EYS: variants seen among roughly 807,000 people sequenced by gnomAD.
EYS encodes the protein EGF-like photoreceptor maintenance factor.
EYS carries 250 observed loss-of-function variants against 282.1 expected under a neutral mutation model. The observed-to-expected ratio is 0.89, with a 90% CI of 0.80 to 0.98. The LOEUF is 0.98. Ranked by LOEUF, EYS falls within the 50% of genes least tolerant of loss-of-function variation. The pLI, the probability that EYS is intolerant of heterozygous loss-of-function variation, is 0.00. For synonymous variants in EYS, 1,355 were observed against 1,282.9 expected (o/e 1.06, Z -1.20); for missense variants, 4,016 against 3,709.0 (o/e 1.08, Z -2.15).
Position 65,244,688 on chromosome 6 carries a change from A to AT in EYS, c.2023+51174dup, listed in dbSNP as rs11351957. Among the ~76,000 whole-genome samples, 191 of 142,414 alleles carry AT rather than the reference A, an allele frequency of 1.3e-3. 2 individuals are homozygous for AT. Among genetic ancestry groups the AT allele is most frequent in the South Asian group, 9.9e-3 (44 of 4,444 alleles). The allele number at this position is 142,414 out of a possible 152,430, so 93.4% of individuals were successfully genotyped here. A position where few individuals can be genotyped will look rare whatever the true frequency, so the allele number is the denominator to read the frequency against. ...CCAGCCCTCCCGGGTAATTTTTTGTATTTTTTTTTTTTTTTAGTAGAGACG... is the reference window on the plus strand; with the variant it reads ...CCAGCCCTCCCGGGTAATTTTTTGTATTTTTTTTTTTTTTTTAGTAGAGACG... On this transcript the variant is annotated intron_variant, in intron 12 of 42. Transcript: ENST00000503581.
chr6:65,226,102 G>A (rs953527572), intron 12 of EYS, among the ~76,000 whole-genome samples: 1 of 151,944 alleles, frequency 6.6e-6, no homozygotes, highest in East Asian at 1.9e-4. Flanking sequence ...ACTTCATGAT[G>A]TTATATATAG....
rs143244630 is a variant in EYS at position 65,387,038 on chromosome 6, G to A, written c.1185-2538C>T. 7.1e-4 allele frequency among the ~76,000 whole-genome samples: 107 copies of A among 151,744 alleles called. 2 individuals carry two copies. Among genetic ancestry groups the A allele is most frequent in the African/African-American group, 2.4e-3 (99 of 41,442 alleles). ...AATAAAATATAATAGTGGAAAAGAG[G>A]AGACAAAAACAATACTCTTATCCTC... On this transcript the variant is annotated intron_variant, in intron 7 of 42. Transcript: ENST00000503581.
At chr6:64,282,766 G>C (rs981684396) in intron 30 of EYS, among the ~76,000 whole-genome samples, 5 of 152,150 alleles carry the variant, frequency 3.3e-5, no homozygotes, top group Non-Finnish European at 7.4e-5. Flanking sequence ...GAGAGAAAAT[G>C]TTCTTTCAAC....
At chr6:65,065,174 T>C (rs1475114504) in intron 12 of EYS, among the ~76,000 whole-genome samples, 1 of 152,138 alleles carries the variant, frequency 6.6e-6, no homozygotes, top group South Asian at 2.1e-4. Context: ...AATAGGCATG[T>C]ATTAAAATTT....
At chr6:64,571,707 C>G (rs998963217) in intron 26 of EYS, among the ~76,000 whole-genome samples, 1 of 152,146 alleles carries the variant, frequency 6.6e-6, no homozygotes, top group Non-Finnish European at 1.5e-5. Flanking sequence ...GACACATACA[C>G]CCTCCCAAGA....
intron 2 of EYS, among the ~76,000 whole-genome samples, chr6:65,601,059 A>C: frequency 6.6e-6 from 1 of 151,996 alleles, no homozygotes; most frequent in Non-Finnish European, 1.5e-5. Context: ...CACGTTGCTT[A>C]TTATGAATAC....
At chr6:65,129,689 A>C (rs998428842) in intron 12 of EYS, among the ~76,000 whole-genome samples, 2 of 152,002 alleles carry the variant, frequency 1.3e-5, no homozygotes, top group Non-Finnish European at 2.9e-5. Flanking sequence ...CTGCAGAGGA[A>C]ATAAAACACT....
At chr6:64,911,567 C>A (rs889039643) in intron 16 of EYS, among the ~76,000 whole-genome samples, 3 of 152,040 alleles carry the variant, frequency 2.0e-5, no homozygotes, top group African/African-American at 7.2e-5. Context: ...TAAGTGATAT[C>A]CTTATTATTA....
chr6:64,194,794 T>A (rs1006693318), intron 31 of EYS, among the ~76,000 whole-genome samples: 2 of 152,080 alleles, frequency 1.3e-5, no homozygotes, highest in African/African-American at 4.8e-5. Context: ...GAGGTAATTT[T>A]TCTAATTGTT....
At chr6:64,632,177 T>G (rs946784513) in intron 22 of EYS, among the ~76,000 whole-genome samples, 1 of 152,124 alleles carries the variant, frequency 6.6e-6, no homozygotes, top group South Asian at 2.1e-4. Flanking sequence ...CAAGTTAGAA[T>G]AGTTGAAAAG....
At chr6:65,561,016 CA>C (rs1769033354) in intron 2 of EYS, among the ~76,000 whole-genome samples, 1 of 151,866 alleles carries the variant, frequency 6.6e-6, no homozygotes, top group Middle Eastern at 3.2e-3. Context: ...TTGGATAATT[CA>C]CAGATATTCT....
intron 35 of EYS, among the ~76,000 whole-genome samples, chr6:63,970,896 T>C (rs1304948671): frequency 6.6e-6 from 1 of 152,140 alleles, no homozygotes; most frequent in Non-Finnish European, 1.5e-5. Context: ...GCAAATACAA[T>C]ATGAATGCAT....
chr6:64,307,183 G>T, intron 29 of EYS, 101 bp from the exon 30 acceptor site: 1 of 604,232 alleles, frequency 1.7e-6, no homozygotes, highest in East Asian at 3.0e-5. Flanking sequence ...ACTGGATTTG[G>T]AGGCTGATTT....
chr6:65,584,522 GT>G (rs898239427), intron 2 of EYS, among the ~76,000 whole-genome samples: 2 of 151,844 alleles, frequency 1.3e-5, no homozygotes, highest in Admixed American at 6.6e-5. Context: ...TACCAATTAG[GT>G]TTTTTTCAAA....
chr6:65,091,955 C>T (rs530967848), intron 12 of EYS, among the ~76,000 whole-genome samples: 48 of 152,154 alleles, frequency 3.2e-4, no homozygotes, highest in African/African-American at 1.0e-3. Flanking sequence ...AGCTACCCGC[C>T]ACCCATCTAC....
chr6:64,066,995 T>C (rs1771394993), intron 32 of EYS, among the ~76,000 whole-genome samples: 1 of 152,108 alleles, frequency 6.6e-6, no homozygotes, highest in Non-Finnish European at 1.5e-5. Context: ...AATAGAGAAA[T>C]ATATAGAGAA....
At position 65,344,195 on chromosome 6, in the gene EYS, T is replaced by TA. The variant is rs2150320064; in HGVS notation, c.1460-19dup. On this transcript the variant is annotated intron_variant, in intron 9 of 42. Coordinates refer to ENST00000503581, the MANE Select transcript of EYS (RefSeq NM_001142800.2). ...TTCAGATCCTTTAAAAAAAAAGAGATAAAAAATTAAATAAACTCTTACAAA... is the reference window on the plus strand; with the variant it reads ...TTCAGATCCTTTAAAAAAAAAGAGATAAAAAAATTAAATAAACTCTTACAAA... 2 of 1,577,132 alleles carry TA rather than the reference T, an allele frequency of 1.3e-6. No individual in the cohort carries two copies. Among genetic ancestry groups the TA allele is most frequent in the Non-Finnish European group, 1.7e-6 (2 of 1,149,932 alleles).
chr6:63,863,492 C>T (rs1259031460), intron 36 of EYS, among the ~76,000 whole-genome samples: 1 of 151,926 alleles, frequency 6.6e-6, no homozygotes, highest in East Asian at 1.9e-4. Context: ...ATATTGTACT[C>T]TCGGTTTGCC....
rs150790393 is a variant in EYS, at chr6:63,799,824, C to T, written c.7411+6366G>A. ...TTGTGTAGGTAGAATATAAGAGATC[C>T]AAGTTTGTCAGAGAACATTACATGA... On this transcript the variant is annotated intron_variant, in intron 37 of 42. Transcript: ENST00000503581. Among the ~76,000 whole-genome samples the T allele has an allele frequency of 1.8e-3, 270 of 152,184 alleles. 4 individuals are homozygous for T. Among genetic ancestry groups the T allele is most frequent in the African/African-American group, 6.1e-3 (254 of 41,510 alleles).
Sources: allele counts gnomAD v4.1 joint callset (sites outside exome capture counted in the v4.1 genomes callset), GRCh38; gene constraint gnomAD v4.1.1; transcripts MANE v1.5; gene names NCBI Gene and HGNC (gene_info 2026-07-23, HGNC 2026-07-21).